CFTR: variants seen among roughly 807,000 people sequenced by gnomAD.
CFTR encodes the protein CF transmembrane conductance regulator, also known as cystic fibrosis transmembrane conductance regulator.
CFTR carries 181 observed loss-of-function variants against 171.6 expected under a neutral mutation model. The ratio of observed to expected loss-of-function variants is 1.05; its 90% CI spans 0.93 to 1.19. The LOEUF is 1.19. Among genes scored for constraint, CFTR ranks in the 50% most tolerant of loss-of-function variants. The pLI, the probability that CFTR is intolerant of heterozygous loss-of-function variation, is 0.00. For missense variants in CFTR, 1,968 were observed against 1,734.7 expected, an observed-to-expected ratio of 1.13 and a Z score of -2.39; for synonymous variants, 583 against 608.0, an observed-to-expected ratio of 0.96 and a Z score of 0.60.
intron 13 of CFTR, among the ~76,000 whole-genome samples, chr7:117,590,705 T>C (rs1466722366): frequency 6.6e-6 from 1 of 152,102 alleles, no homozygotes; most frequent in African/African-American, 2.4e-5. Context: ...TCTATGTAGT[T>C]TTTGCAGTAT....
intron 21 of CFTR, among the ~76,000 whole-genome samples, chr7:117,623,270 C>T (rs776957129): frequency 2.6e-5 from 4 of 152,182 alleles, no homozygotes; most frequent in Admixed American, 2.0e-4. Context: ...AGTGCTCCTA[C>T]GGAAGTGGGT....
intron 26 of CFTR, among the ~76,000 whole-genome samples, chr7:117,665,769 T>A (rs1195988914): frequency 1.3e-5 from 2 of 152,184 alleles, no homozygotes; most frequent in Non-Finnish European, 2.9e-5. Context: ...ATATAGTAAA[T>A]CTAAAATGGC....
intron 11 of CFTR, among the ~76,000 whole-genome samples, chr7:117,585,733 C>T (rs900906695): frequency 6.6e-6 from 1 of 152,130 alleles, no homozygotes; most frequent in Non-Finnish European, 1.5e-5. Context: ...CCTCGAATTC[C>T]TGGGTTCAAG....
At chr7:117,482,209 G>A (rs532051186) in intron 1 of CFTR, among the ~76,000 whole-genome samples, 79 of 152,202 alleles carry the variant, frequency 5.2e-4, no homozygotes, top group African/African-American at 1.7e-3. Context: ...CAGGAAACAC[G>A]TCACATGTTT....
chr7:117,637,605 G>A lies in CFTR; in HGVS notation c.3718-4833G>A, dbSNP rs148866047. On this transcript the variant is annotated intron_variant, in intron 22 of 26. Coordinates refer to ENST00000003084, the MANE Select transcript of CFTR (RefSeq NM_000492.4). ...AATAGAATGCTCTGGGGCCAGGTGC[G>A]GTGGCTCACGCCTGTAATCCCCGCA... is the stretch of plus-strand genomic sequence containing the variant. Among the ~76,000 whole-genome samples, 89 of 152,146 alleles carry A rather than the reference G, an allele frequency of 5.8e-4. 1 individual carries two copies. The East Asian group carries it at 0.016, about 28-fold the overall frequency.
At chr7:117,655,781 G>A (rs1216140704) in intron 24 of CFTR, among the ~76,000 whole-genome samples, 1 of 152,104 alleles carries the variant, frequency 6.6e-6, no homozygotes, top group East Asian at 1.9e-4. Flanking sequence ...TCACAGTTGT[G>A]GAGGCTGGGA....
Position 117,536,514 on chromosome 7 carries a change from A to AGATTGATT in CFTR, c.744-13_744-6dup, listed in dbSNP as rs1805171. 2.3e-5 allele frequency: 36 copies of AGATTGATT among 1,541,282 alleles called. No individual in the cohort carries two copies. The South Asian group carries it at 2.8e-4, about 12-fold the overall frequency. The stretch of plus-strand genomic sequence containing the variant: ...GATAATTTGACTTGTTTTTACTATT[A>AGATTGATT]GATTGATTGATTGATTGATTGATTG... On this transcript the variant is annotated intron_variant, in intron 6 of 26. Transcript: ENST00000003084.
In CFTR at chr7:117,592,634, G is replaced by T. The variant is rs397508379; in HGVS notation, c.2467G>T (p.Glu823Ter). The change falls in exon 14 of 27, where the codon GAA becomes TAA. Residue 823 changes from glutamate to a stop codon, truncating the protein, a stop_gained. Coordinates refer to ENST00000003084, the MANE Select transcript of CFTR (RefSeq NM_000492.4). LOFTEE classifies it high-confidence loss of function. ...SQETGLEISE[E>*]INEEDLKECF... ...AGAAACTGGCTTGGAAATAAGTGAAGAAATTAACGAAGAAGACTTAAAGGT... is the reference window on the plus strand; with the variant it reads ...AGAAACTGGCTTGGAAATAAGTGAATAAATTAACGAAGAAGACTTAAAGGT... 6.5e-7 allele frequency: 1 copy of T among 1,540,916 alleles called. No homozygotes were observed. The highest frequency in any genetic ancestry group is 1.3e-5 in the South Asian group (1 of 74,860).
chr7:117,483,498 C>T (rs1297358234), intron 1 of CFTR, among the ~76,000 whole-genome samples: 1 of 152,052 alleles, frequency 6.6e-6, no homozygotes, highest in Non-Finnish European at 1.5e-5. Flanking sequence ...CAGCCAAGTG[C>T]TACCTAATTT....
chr7:117,634,748 T>A (rs957623692), intron 22 of CFTR, among the ~76,000 whole-genome samples: 6 of 152,146 alleles, frequency 3.9e-5, no homozygotes, highest in African/African-American at 7.2e-5. Flanking sequence ...TCACCATTTT[T>A]AAAAATTTTC....
At position 117,603,547 on chromosome 7, in the gene CFTR, CA is replaced by C; in HGVS notation, c.2676del (p.Asn894IlefsTer12). On this transcript the variant is annotated frameshift_variant, in exon 17 of 27. Transcript: ENST00000003084. LOFTEE classifies it high-confidence loss of function. ...WLLGNTPLQDKGNSTHSRNNS... is the reference protein window; with the variant it reads ...WLLGNTPLQDXGNSTHSRNNS... The stretch of plus-strand genomic sequence containing the variant: ...TGCTTTACAGCACTCCTCTTCAAGA[CA>C]AAGGGAATAGTACTCATAGTAGAAA... 6.2e-7 allele frequency: 1 copy of C among 1,613,874 alleles called. No individual in the cohort carries two copies. Among genetic ancestry groups the C allele is most frequent in the East Asian group, 2.2e-5 (1 of 44,872 alleles).
chr7:117,564,105 A>T (rs975583981), intron 11 of CFTR, among the ~76,000 whole-genome samples: 3 of 152,182 alleles, frequency 2.0e-5, no homozygotes, highest in African/African-American at 7.2e-5. Flanking sequence ...TTATTTTGGT[A>T]TACTCCACGT....
intron 10 of CFTR, among the ~76,000 whole-genome samples, chr7:117,559,200 A>G (rs1799412152): frequency 6.6e-6 from 1 of 152,268 alleles, no homozygotes; most frequent in African/African-American, 2.4e-5. Flanking sequence ...TATTCCAACT[A>G]TCTGAATCAT....
chr7:117,563,007 A>T (rs1357337888), intron 11 of CFTR, among the ~76,000 whole-genome samples: 1 of 152,180 alleles, frequency 6.6e-6, no homozygotes, highest in East Asian at 1.9e-4. Flanking sequence ...TTGGTTGTGG[A>T]GAGCTTTCAT....
chr7:117,501,776 C>CAAAAAAAAAAAAAAAAAAAAAAAAA (rs796991857), intron 1 of CFTR, among the ~76,000 whole-genome samples: 9 of 84,338 alleles, frequency 1.1e-4, no homozygotes, highest in South Asian at 4.0e-4. Flanking sequence ...AAAAAAGAAA[C>CAAAAAAAAAAAAAAAAAAAAAAAAA]AAAAAAAAAA....
In CFTR at chr7:117,590,266, T is replaced by G. The variant is rs995293321; in HGVS notation, c.1680-87T>G. 38 of 1,473,534 alleles carry G rather than the reference T, an allele frequency of 2.6e-5. No homozygotes were observed. Among genetic ancestry groups the G allele is most frequent in the South Asian group, 1.0e-4 (9 of 86,144 alleles). 91.3% of individuals were successfully genotyped at this position (1,473,534 alleles called of 1,614,324 possible). On this transcript the variant is annotated intron_variant, in intron 12 of 26. Coordinates refer to ENST00000003084, the MANE Select transcript of CFTR (RefSeq NM_000492.4). The stretch of plus-strand genomic sequence containing the variant: ...GATGTGGTGACCATATTGTAATGCA[T>G]GTAGTGAACTGTTTAAGGCAAATCA...
rs78171410 is a variant in CFTR, at chr7:117,480,471, A to G, written c.53+324A>G. Among the ~76,000 whole-genome samples the G allele has an allele frequency of 5.8e-3, 887 of 152,274 alleles. 5 individuals are homozygous for G. The highest frequency in any genetic ancestry group is 9.1e-3 in the Non-Finnish European group (617 of 68,010). ...AAAAATACTTGTTAATAAGTACCTA[A>G]GTATGGTTTATTGGTTTTCCCCCTT... On this transcript the variant is annotated intron_variant, in intron 1 of 26. Coordinates refer to ENST00000003084, the MANE Select transcript of CFTR (RefSeq NM_000492.4).
chr7:117,592,692 C>A (rs372578192), intron 14 of CFTR, 35 bp downstream of exon 14: 5 of 1,476,130 alleles, frequency 3.4e-6, no homozygotes, highest in South Asian at 1.6e-5. Context: ...TTTCACCCCA[C>A]AGAATGCAAT....
intron 9 of CFTR, among the ~76,000 whole-genome samples, chr7:117,542,765 G>T (rs1799078497): frequency 6.6e-6 from 1 of 152,070 alleles, no homozygotes; most frequent in Non-Finnish European, 1.5e-5. Context: ...GGGCCCTCTG[G>T]CTCTCCATGT....
Sources: gnomAD v4.1 joint callset for allele counts (sites outside exome capture counted in the v4.1 genomes callset) on GRCh38, gnomAD v4.1.1 for gene constraint, MANE v1.5 for transcripts, NCBI Gene and HGNC (gene_info 2026-07-23, HGNC 2026-07-21) for gene names.